Variants in KCNC2 observed in about 807,000 individuals in gnomAD.
The protein encoded by KCNC2 is voltage-gated potassium channel KCNC2.
KCNC2 carries 21 observed loss-of-function variants against 44.5 expected under a neutral mutation model. The observed-to-expected ratio is 0.47, with a 90% CI of 0.33 to 0.68. KCNC2 has a LOEUF of 0.68. Ranked by LOEUF, KCNC2 falls within the 30% of genes least tolerant of loss-of-function variation. KCNC2 has a pLI of 0.01. For missense variants in KCNC2, 589 were observed against 826.2 expected, an observed-to-expected ratio of 0.71 and a Z score of 3.52; for synonymous variants, 391 against 339.1, an observed-to-expected ratio of 1.15 and a Z score of -1.68.
intron 4 of KCNC2, 92 bp from the exon 5 acceptor site, chr12:75,043,333 T>C (rs953842018): frequency 4.0e-6 from 6 of 1,499,616 alleles, no homozygotes; most frequent in Non-Finnish European, 5.3e-6. Flanking sequence ...AGTGCTACTT[T>C]CAAGCTCAAA....
intron 2 of KCNC2, among the ~76,000 whole-genome samples, chr12:75,095,466 C>G (rs555847535): frequency 6.6e-6 from 1 of 151,784 alleles, no homozygotes; most frequent in African/African-American, 2.4e-5. Flanking sequence ...GTCATTCTTA[C>G]GCTCCTCCAA....
intron 2 of KCNC2, among the ~76,000 whole-genome samples, chr12:75,111,641 GT>G (rs1277846868): frequency 1.3e-5 from 2 of 151,686 alleles, no homozygotes; most frequent in Non-Finnish European, 2.9e-5. Flanking sequence ...AAATTGCCAA[GT>G]TTTGACATTT....
At position 75,181,916 on chromosome 12, in the gene KCNC2, CTTTTTTTTTTTTTTTTTTTTTT is replaced by C. The variant is rs61089425; in HGVS notation, c.687+25359_687+25380del. Among the ~76,000 whole-genome samples the C allele has an allele frequency of 3.9e-3, 186 of 47,864 alleles. 7 individuals carry two copies. The South Asian group carries it at 0.12, about 32-fold the overall frequency. The allele number at this position is 47,864 out of a possible 152,430, so 31.4% of individuals were successfully genotyped here. A position where few individuals can be genotyped will look rare whatever the true frequency, so the allele number is the denominator to read the frequency against. On this transcript the variant is annotated intron_variant, in intron 2 of 4. Coordinates refer to ENST00000549446, the MANE Select transcript of KCNC2 (RefSeq NM_139137.4). ...AAACATTATTACTATTAATATCTTCCTTTTTTTTTTTTTTTTTTTTTTTTTTTTTTTTTTTTTTGTAGAGACA... is the reference window on the plus strand; with the variant it reads ...AAACATTATTACTATTAATATCTTCCTTTTTTTTTTTTTTTTGTAGAGACA...
chr12:75,043,693 G>T, intron 4 of KCNC2: 1 of 1,377,112 alleles, frequency 7.3e-7, no homozygotes, highest in Non-Finnish European at 9.4e-7. Context: ...AGTTTAAATG[G>T]ACAACTCTTT....
At chr12:75,068,144 G>T (rs1218264178) in intron 2 of KCNC2, among the ~76,000 whole-genome samples, 1 of 152,192 alleles carries the variant, frequency 6.6e-6, no homozygotes, top group East Asian at 1.9e-4. Context: ...GAAAGCAGGA[G>T]CATGCTGCTT....
At position 75,207,311 on chromosome 12, in the gene KCNC2, A is replaced by G; in HGVS notation, c.673T>C (p.Ser225Pro). The G allele has an allele frequency of 6.5e-7, 1 of 1,549,152 alleles. No homozygotes were observed. The highest frequency in any genetic ancestry group is 8.7e-7 in the Non-Finnish European group (1 of 1,151,616). Residue 225 changes from serine (S) to proline (P), a missense_variant, in exon 2 of 5, where the codon TCC becomes CCC. By Grantham distance (74) the Ser-to-Pro change is moderately conservative. This residue lies in a region of KCNC2 where 26 missense variants were observed against 50.4 expected (regional missense o/e 0.52). Transcript: ENST00000549446. This position sits in a 1 kb window ranked among gnomAD's most constrained non-coding sequence, Gnocchi z 4.1. ...MWALFEDPYSSRAARFIAFAS... is the reference protein window; with the variant it reads ...MWALFEDPYSPRAARFIAFAS... ...TCTGGCCTTACCCTGGCGGCTCTGG[A>G]CGAGTAGGGGTCTTCGAAGAGGGCC...
intron 2 of KCNC2, among the ~76,000 whole-genome samples, chr12:75,082,787 A>T (rs1174421854): frequency 6.6e-6 from 1 of 151,880 alleles, no homozygotes; most frequent in Non-Finnish European, 1.5e-5. Flanking sequence ...AGGTTACAAA[A>T]ATATTAAGGA....
Position 75,050,918 on chromosome 12 carries a change from G to A in KCNC2, c.1087C>T (p.Arg363Cys), listed in dbSNP as rs1366166893. ...VRILRIFKLT[R>C]HFVGLRVLGH... ...AGCACCCTCAGACCTACAAAATGGC[G>A]GGTGAGCTTGAAAATTCTCAGGATC... is the stretch of plus-strand genomic sequence containing the variant. The change falls in exon 3 of 5, where the codon CGC (arginine) becomes TGC (cysteine). Residue 363 changes from arginine (R) to cysteine (C), a missense_variant. Arg to Cys is a radical substitution (Grantham distance 180). Around this residue, in one of 7 missense-constraint regions of KCNC2, gnomAD observed 67 missense variants for 237.4 expected, o/e 0.28. Transcript: ENST00000549446. The A allele has an allele frequency of 1.2e-6, 2 of 1,613,334 alleles. No individual in the cohort carries two copies. The highest frequency in any genetic ancestry group is 1.7e-6 in the Non-Finnish European group (2 of 1,179,850).
intron 2 of KCNC2, among the ~76,000 whole-genome samples, chr12:75,116,195 T>A (rs1316694927): frequency 1.3e-5 from 2 of 152,174 alleles, no homozygotes; most frequent in Non-Finnish European, 2.9e-5. Context: ...TTGAGGGTCA[T>A]CAAGCAATGA....
In KCNC2 at chr12:75,051,190, A is replaced by G. The variant is rs973994418; in HGVS notation, c.815T>C (p.Leu272Pro). 6.2e-7 allele frequency: 1 copy of G among 1,613,584 alleles called. No homozygotes were observed. Among genetic ancestry groups the G allele is most frequent in the Non-Finnish European group, 8.5e-7 (1 of 1,179,574 alleles). ...EPVINGTSVV[L>P]QYEIETDPAL... ...AGGATCCGTTTCAATTTCATACTGT[A>G]GAACAACACTTGTGCCATTGATGAC... Residue 272 changes from leucine (L) to proline (P), a missense_variant, in exon 3 of 5, where the codon CTA becomes CCA. Around this residue, in one of 7 missense-constraint regions of KCNC2, gnomAD observed 40 missense variants for 40.6 expected, o/e 0.99. Transcript: ENST00000549446.
chr12:75,040,994 A>C lies in KCNC2; in HGVS notation c.*2111T>G. The C allele has an allele frequency of 1.3e-6, 1 of 797,612 alleles. No individual in the cohort carries two copies. The highest frequency in any genetic ancestry group is 1.5e-5 in the South Asian group (1 of 66,958). 49.4% of individuals were successfully genotyped at this position (797,612 alleles called of 1,614,324 possible). On this transcript the variant is annotated 3_prime_UTR_variant, in exon 5 of 5. Transcript: ENST00000549446. ...ACACTGGCCAGTCTACAAGCAGAGC[A>C]CTCTCATGGGGAGCACCAGATGAGT...
At chr12:75,188,534 G>T (rs2029890642) in intron 2 of KCNC2, among the ~76,000 whole-genome samples, 2 of 151,868 alleles carry the variant, frequency 1.3e-5, no homozygotes, top group South Asian at 4.2e-4. Flanking sequence ...AGTTAATCTG[G>T]TATCATACTT....
chr12:75,146,846 G>T lies in KCNC2; in HGVS notation c.687+60451C>A, dbSNP rs1890061524. Among the ~76,000 whole-genome samples the T allele has an allele frequency of 2.0e-5, 3 of 152,236 alleles. No homozygotes were observed. The South Asian group carries it at 6.2e-4, about 32-fold the overall frequency. On this transcript the variant is annotated intron_variant, in intron 2 of 4. Transcript: ENST00000549446. ...TTTATGTGTATATAATGTAACCATT[G>T]ATTGGTTTAATGTGATTCCCGAGGA... is the stretch of plus-strand genomic sequence containing the variant.
intron 2 of KCNC2, among the ~76,000 whole-genome samples, chr12:75,135,779 A>G (rs1592943302): frequency 6.6e-6 from 1 of 152,052 alleles, no homozygotes. Flanking sequence ...GCCCTAACTT[A>G]GATATTTATA....
chr12:75,046,506 A>T (rs916738477), intron 4 of KCNC2, among the ~76,000 whole-genome samples: 19 of 151,860 alleles, frequency 1.3e-4, no homozygotes, highest in African/African-American at 4.6e-4. Context: ...AATGCTGCTT[A>T]AAAATGTATG....
At chr12:75,063,266 A>C (rs972233321) in intron 2 of KCNC2, among the ~76,000 whole-genome samples, 1 of 152,176 alleles carries the variant, frequency 6.6e-6, no homozygotes, top group East Asian at 1.9e-4. Context: ...CATATGTAAA[A>C]ATTTCCTTTA....
chr12:75,202,358 G>A (rs1376717822), intron 2 of KCNC2, among the ~76,000 whole-genome samples: 1 of 151,700 alleles, frequency 6.6e-6, no homozygotes, highest in Non-Finnish European at 1.5e-5. Flanking sequence ...CTATTAATCA[G>A]GTACTCTCTG....
At chr12:75,159,496 T>C (rs1208017996) in intron 2 of KCNC2, among the ~76,000 whole-genome samples, 3 of 151,752 alleles carry the variant, frequency 2.0e-5, no homozygotes, top group African/African-American at 7.3e-5. Context: ...TAAGATTATA[T>C]CAGTAAATAA....
intron 2 of KCNC2, among the ~76,000 whole-genome samples, chr12:75,055,942 T>C (rs1881701277): frequency 3.9e-5 from 6 of 152,130 alleles, no homozygotes; most frequent in Admixed American, 3.9e-4. Context: ...GAAATTGAGC[T>C]CTATAACATA....
Sources: gnomAD v4.1 joint callset for allele counts (sites outside exome capture counted in the v4.1 genomes callset) on GRCh38, gnomAD v4.1.1 for gene constraint, gnomAD v4.1.1 regional missense constraint, Gnocchi (gnomAD v3.1) non-coding constraint, MANE v1.5 for transcripts, NCBI Gene and HGNC (gene_info 2026-07-23, HGNC 2026-07-21) for gene names.